Variants in BTNL8 observed in about 807,000 individuals in gnomAD.
BTNL8 encodes the protein butyrophilin-like protein 8.
Under a neutral mutation model 36.1 loss-of-function variants are expected in BTNL8, and 22 were observed. The observed-to-expected ratio is 0.61, with a 90% CI of 0.44 to 0.87. The LOEUF (loss-of-function observed/expected upper bound fraction) is 0.87, where lower values mean the gene tolerates loss of function less well. Ranked by LOEUF, BTNL8 falls within the 40% of genes least tolerant of loss-of-function variation. BTNL8 has a pLI of 0.00. For synonymous variants in BTNL8, 203 were observed against 235.6 expected (o/e 0.86, Z 1.27); for missense variants, 526 against 616.9 (o/e 0.85, Z 1.56).
intron 3 of BTNL8, among the ~76,000 whole-genome samples, chr5:180,929,488 AC>A (rs1758264011): frequency 6.6e-6 from 1 of 152,200 alleles, no homozygotes; most frequent in Non-Finnish European, 1.5e-5. Flanking sequence ...GGAAATAGAG[AC>A]ACAAAAAACC....
At position 180,947,902 on chromosome 5, in the gene BTNL8, ACAC is replaced by A. The variant is rs1759354232; in HGVS notation, c.787+283_787+285del. 3.0e-5 allele frequency: 35 copies of A among 1,151,778 alleles called. No individual in the cohort carries two copies. The South Asian group carries it at 5.4e-4, about 18-fold the overall frequency. The allele number at this position is 1,151,778 out of a possible 1,614,324, so 71.3% of individuals were successfully genotyped here. Reference sequence around the variant, plus strand: ...AGAGAGCTTGGATAATTTTCCATGAACACCACCAAGACTCCTATTAAAAAGTTT... The same window carrying A: ...AGAGAGCTTGGATAATTTTCCATGAACACCAAGACTCCTATTAAAAAGTTT... On this transcript the variant is annotated intron_variant, in intron 4 of 7. Transcript: ENST00000340184.
chr5:180,905,962 C>T (rs369014565), intron 1 of BTNL8, among the ~76,000 whole-genome samples: 1 of 137,578 alleles, frequency 7.3e-6, no homozygotes, highest in Non-Finnish European at 1.5e-5. Flanking sequence ...AATTTTGTAA[C>T]AGGTGTGGTG....
At chr5:180,907,078 A>T (rs1406843428) in intron 1 of BTNL8, among the ~76,000 whole-genome samples, 1 of 111,100 alleles carries the variant, frequency 9.0e-6, no homozygotes. Context: ...CTGCCTTGCT[A>T]GATTGGGGAA....
intron 3 of BTNL8, among the ~76,000 whole-genome samples, chr5:180,925,276 A>T (rs1446202274): frequency 1.3e-5 from 2 of 152,252 alleles, no homozygotes; most frequent in South Asian, 2.1e-4. Flanking sequence ...GTGGTGAAAC[A>T]CAAAAATATC....
chr5:180,915,557 C>T (rs1170838650), intron 3 of BTNL8, among the ~76,000 whole-genome samples: 1 of 152,168 alleles, frequency 6.6e-6, no homozygotes, highest in Non-Finnish European at 1.5e-5. Context: ...GAGAGACTTC[C>T]AGAGTATCTA....
chr5:180,912,724 A>C (rs1221021018), intron 3 of BTNL8, among the ~76,000 whole-genome samples: 1 of 152,082 alleles, frequency 6.6e-6, no homozygotes, highest in Non-Finnish European at 1.5e-5. Context: ...AAAGCACTGA[A>C]AGTTCATGTT....
At chr5:180,940,507 G>A (rs958466104) in intron 3 of BTNL8, among the ~76,000 whole-genome samples, 3 of 151,950 alleles carry the variant, frequency 2.0e-5, no homozygotes, top group African/African-American at 2.4e-5. Context: ...AGAAGGGCAA[G>A]AAGAAACAAA....
intron 3 of BTNL8, among the ~76,000 whole-genome samples, chr5:180,928,245 G>A (rs1180789129): frequency 6.6e-6 from 1 of 152,166 alleles, no homozygotes; most frequent in Non-Finnish European, 1.5e-5. Flanking sequence ...AGCTTCATAA[G>A]TGAAGGAGAA....
Position 180,911,544 on chromosome 5 carries a change from C to T in BTNL8, c.603C>T (p.Ala201=), listed in dbSNP as rs755118033. 1.4e-5 allele frequency: 22 copies of T among 1,612,790 alleles called. No individual in the cohort carries two copies. The highest frequency in any genetic ancestry group is 5.4e-5 in the African/African-American group (4 of 74,420). ...VEISLTVQEN[A]GSISCSMRHA... The stretch of plus-strand genomic sequence containing the variant: ...TCTCTCTGACCGTCCAAGAGAACGC[C>T]GGGAGCATATCCTGTTCCATGCGGC... The change falls in exon 3 of 8, where the codon GCC becomes GCT. Residue 201 remains alanine (A), a synonymous_variant. Coordinates refer to ENST00000340184, the MANE Select transcript of BTNL8 (RefSeq NM_001040462.3).
intron 3 of BTNL8, among the ~76,000 whole-genome samples, chr5:180,944,642 C>G (rs892699354): frequency 6.6e-6 from 1 of 151,942 alleles, no homozygotes; most frequent in African/African-American, 2.4e-5. Context: ...TAACATATTA[C>G]ATATCTCAAA....
At chr5:180,943,013 G>C (rs1469969656) in intron 3 of BTNL8, among the ~76,000 whole-genome samples, 1 of 151,440 alleles carries the variant, frequency 6.6e-6, no homozygotes, top group African/African-American at 2.4e-5. Context: ...TTACAGAATG[G>C]GAGAAAATAT....
chr5:180,939,097 C>T (rs771182376), intron 3 of BTNL8, among the ~76,000 whole-genome samples: 16 of 151,876 alleles, frequency 1.1e-4, no homozygotes, highest in East Asian at 3.9e-4. Context: ...ATCCATCAAA[C>T]GGCAAAGGGA....
At chr5:180,900,016 T>G (rs1184594869) in intron 1 of BTNL8, among the ~76,000 whole-genome samples, 1 of 152,208 alleles carries the variant, frequency 6.6e-6, no homozygotes, top group Non-Finnish European at 1.5e-5. Flanking sequence ...ACTTTCTGTC[T>G]GTGAAGGTTC....
chr5:180,950,861 CAG>C lies in BTNL8; in HGVS notation c.*320_*321del, dbSNP rs1759523111. On this transcript the variant is annotated 3_prime_UTR_variant, in exon 8 of 8. Coordinates refer to ENST00000340184, the MANE Select transcript of BTNL8 (RefSeq NM_001040462.3). ...AATAATGCTTAGATCTTATTGATGA[CAG>C]AGTGTATCCTAATGGTTTGTTCATT... is the stretch of plus-strand genomic sequence containing the variant. 2.8e-6 allele frequency: 1 copy of C among 353,084 alleles called. No homozygotes were observed. The highest frequency in any genetic ancestry group is 2.1e-5 in the African/African-American group (1 of 48,190). The allele number at this position is 353,084 out of a possible 1,614,324, so 21.9% of individuals were successfully genotyped here.
At chr5:180,939,464 T>C (rs906299476) in intron 3 of BTNL8, among the ~76,000 whole-genome samples, 2 of 152,140 alleles carry the variant, frequency 1.3e-5, no homozygotes, top group Non-Finnish European at 2.9e-5. Context: ...ACAAAGAAGA[T>C]TATTATTTAA....
intron 3 of BTNL8, among the ~76,000 whole-genome samples, chr5:180,921,692 CACAG>C (rs1286338684): frequency 6.6e-6 from 1 of 150,526 alleles, no homozygotes; most frequent in Non-Finnish European, 1.5e-5. Context: ...CACACACACA[CACAG>C]ACACACACAC....
chr5:180,913,660 G>C (rs372056015), intron 3 of BTNL8, among the ~76,000 whole-genome samples: 1 of 152,162 alleles, frequency 6.6e-6, no homozygotes, highest in Non-Finnish European at 1.5e-5. Flanking sequence ...GGCCTCTATC[G>C]TTTGGTTGGC....
intron 3 of BTNL8, among the ~76,000 whole-genome samples, chr5:180,912,443 A>G (rs975608000): frequency 1.4e-5 from 2 of 144,764 alleles, no homozygotes; most frequent in African/African-American, 5.2e-5. Flanking sequence ...ATATATATAT[A>G]TGTATGTGTG....
chr5:180,936,349 G>A (rs147697951), intron 3 of BTNL8, among the ~76,000 whole-genome samples: 266 of 152,050 alleles, frequency 1.7e-3, no homozygotes, highest in Non-Finnish European at 2.8e-3. Flanking sequence ...AAATCCTAAA[G>A]ACTTAGCCAA....
Sources: allele counts gnomAD v4.1 joint callset (sites outside exome capture counted in the v4.1 genomes callset), GRCh38; gene constraint gnomAD v4.1.1; transcripts MANE v1.5; gene names NCBI Gene and HGNC (gene_info 2026-07-23, HGNC 2026-07-21).